Variants in TANC2 observed in about 807,000 individuals in gnomAD.
TANC2 encodes the protein protein TANC2.
In TANC2, 26 loss-of-function variants were observed where a neutral mutation model predicts 210.5. That is an observed-to-expected ratio of 0.12 (90% confidence interval 0.09 to 0.17). TANC2 has a LOEUF of 0.17. Ranked by LOEUF, TANC2 falls within the 10% of genes least tolerant of loss-of-function variation. The probability of loss-of-function intolerance (pLI) is 1.00; values close to 1 mark genes in which losing one functional copy is unlikely to be tolerated. For missense variants in TANC2, 2,129 were observed against 2,608.9 expected, an observed-to-expected ratio of 0.82 and a Z score of 4.01; for synonymous variants, 931 against 967.1, an observed-to-expected ratio of 0.96 and a Z score of 0.69.
chr17:63,276,569 G>C (rs1025289106), intron 9 of TANC2, among the ~76,000 whole-genome samples: 1 of 150,876 alleles, frequency 6.6e-6, no homozygotes, highest in Non-Finnish European at 1.5e-5. Context: ...AGTGACTGCA[G>C]ATTTTTCTCA....
rs550066325 is a variant in TANC2 at position 63,225,318 on chromosome 17, C to T, written c.770-12496C>T. 3.9e-3 allele frequency among the ~76,000 whole-genome samples: 587 copies of T among 152,276 alleles called. 2 individuals are homozygous for T. Among genetic ancestry groups the T allele is most frequent in the Non-Finnish European group, 6.6e-3 (447 of 68,006 alleles). ...TGTTTTCCTCTTCTTTCTGGTTGTT[C>T]TTTCTTAGACTCCTTTGCAGGCTCT... is the stretch of plus-strand genomic sequence containing the variant. On this transcript the variant is annotated intron_variant, in intron 7 of 27. Transcript: ENST00000689528.
intron 2 of TANC2, among the ~76,000 whole-genome samples, chr17:63,036,872 G>T (rs2034994008): frequency 1.4e-5 from 2 of 142,628 alleles, no homozygotes. Context: ...TTGAGCTAGT[G>T]GTACAATAGT....
chr17:63,073,200 T>C (rs1376059510), intron 2 of TANC2, among the ~76,000 whole-genome samples: 2 of 152,104 alleles, frequency 1.3e-5, no homozygotes, highest in Non-Finnish European at 2.9e-5. Flanking sequence ...TATTATACTT[T>C]ACATTCTTAA....
At chr17:63,148,158 C>T (rs1247153143) in intron 4 of TANC2, 1 of 152,218 alleles carries the variant, frequency 6.6e-6, no homozygotes, top group Non-Finnish European at 1.5e-5. Context: ...ATTCTGGTTT[C>T]AGAGCCCTTA....
intron 5 of TANC2, among the ~76,000 whole-genome samples, chr17:63,192,509 T>C (rs1001745497): frequency 1.3e-5 from 2 of 152,244 alleles, no homozygotes; most frequent in Non-Finnish European, 2.9e-5. Flanking sequence ...TTACAAGTTA[T>C]CTCTTATTCA....
At chr17:63,249,915 G>C (rs1233342396) in intron 8 of TANC2, among the ~76,000 whole-genome samples, 1 of 152,122 alleles carries the variant, frequency 6.6e-6, no homozygotes, top group Non-Finnish European at 1.5e-5. Flanking sequence ...AATTCAAACT[G>C]TCTTCCAAAC....
chr17:63,011,871 T>TC (rs1169764426), intron 2 of TANC2, among the ~76,000 whole-genome samples: 2 of 152,046 alleles, frequency 1.3e-5, no homozygotes, highest in Non-Finnish European at 2.9e-5. Context: ...CATTTTTTTT[T>TC]CTCTTAAGAA....
At chr17:63,328,047 A>T (rs1213785085) in intron 11 of TANC2, among the ~76,000 whole-genome samples, 1 of 152,172 alleles carries the variant, frequency 6.6e-6, no homozygotes, top group Admixed American at 6.5e-5. Flanking sequence ...AGCAACATGG[A>T]TGCAGCCGGA....
chr17:63,091,800 G>A (rs898655150), intron 3 of TANC2, among the ~76,000 whole-genome samples: 2 of 152,092 alleles, frequency 1.3e-5, no homozygotes, highest in South Asian at 2.1e-4. Flanking sequence ...AATTACCTTG[G>A]GCAGTATGGC....
intron 8 of TANC2, among the ~76,000 whole-genome samples, chr17:63,252,037 A>G (rs899964669): frequency 1.3e-5 from 2 of 152,170 alleles, no homozygotes; most frequent in Non-Finnish European, 2.9e-5. Flanking sequence ...TAAGAAGTTA[A>G]ACGTGAGAAA....
At chr17:63,322,464 C>T (rs1183403382) in intron 11 of TANC2, among the ~76,000 whole-genome samples, 1 of 152,124 alleles carries the variant, frequency 6.6e-6, no homozygotes, top group Non-Finnish European at 1.5e-5. Flanking sequence ...CACCACTGCA[C>T]TCCAGCCTGG....
At chr17:63,354,175 C>A (rs1231494702) in intron 13 of TANC2, among the ~76,000 whole-genome samples, 1 of 152,074 alleles carries the variant, frequency 6.6e-6, no homozygotes, top group Non-Finnish European at 1.5e-5. Context: ...GCCACAAAGC[C>A]ATATCACCTT....
At chr17:63,108,822 T>C (rs1374034219) in intron 4 of TANC2, among the ~76,000 whole-genome samples, 2 of 150,736 alleles carry the variant, frequency 1.3e-5, no homozygotes. Context: ...AAAATATAAA[T>C]AAATAAATAA....
intron 9 of TANC2, among the ~76,000 whole-genome samples, chr17:63,294,305 G>A (rs2044469131): frequency 6.6e-6 from 1 of 152,036 alleles, no homozygotes; most frequent in South Asian, 2.1e-4. Flanking sequence ...GTGAAACCCT[G>A]TCTCTACAAA....
rs569813632 is a variant in TANC2 at position 63,119,874 on chromosome 17, G to A, written c.322+20517G>A. 2.6e-5 allele frequency among the ~76,000 whole-genome samples: 4 copies of A among 152,076 alleles called. No individual in the cohort carries two copies. In the South Asian group the frequency reaches 8.3e-4, roughly 32 times the overall value. On this transcript the variant is annotated intron_variant, in intron 4 of 27. Transcript: ENST00000689528. ...TACAAATAATTTTTTTAAAAAATTAGCCAGGCATGATTGCACATGCCTCTG... is the reference window on the plus strand; with the variant it reads ...TACAAATAATTTTTTTAAAAAATTAACCAGGCATGATTGCACATGCCTCTG...
chr17:63,378,022 T>TC (rs1249015837), intron 14 of TANC2, among the ~76,000 whole-genome samples: 4 of 152,048 alleles, frequency 2.6e-5, no homozygotes, highest in Middle Eastern at 6.3e-3. Flanking sequence ...ACCAAGTCCC[T>TC]CCCATGACAC....
chr17:63,395,759 A>C, exon 18 of TANC2: 2 of 1,613,438 alleles, frequency 1.2e-6, no homozygotes, highest in Non-Finnish European at 8.5e-7. Context: ...CATTTGGATA[A>C]GAACGGGCAG....
intron 26 of TANC2, 91 bp downstream of exon 26, chr17:63,415,765 C>T (rs1278761467): frequency 1.3e-6 from 2 of 1,482,084 alleles, no homozygotes; most frequent in African/African-American, 1.4e-5. Flanking sequence ...CTGAAATCCT[C>T]CTCTGCCCCA....
intron 9 of TANC2, among the ~76,000 whole-genome samples, chr17:63,312,828 C>T (rs1289269584): frequency 6.6e-6 from 1 of 152,078 alleles, no homozygotes; most frequent in African/African-American, 2.4e-5. Context: ...TTCCCCTAAC[C>T]CCCCACAACC....
Sources: gnomAD v4.1 joint callset for allele counts (sites outside exome capture counted in the v4.1 genomes callset) on GRCh38, gnomAD v4.1.1 for gene constraint, MANE v1.5 for transcripts, NCBI Gene and HGNC (gene_info 2026-07-23, HGNC 2026-07-21) for gene names.